SLC17A1: variants seen among roughly 807,000 people sequenced by gnomAD.
SLC17A1 encodes the protein solute carrier family 17 member 1, also known as sodium-dependent phosphate transport protein 1.
SLC17A1 carries 51 observed loss-of-function variants against 53.5 expected under a neutral mutation model. The ratio of observed to expected loss-of-function variants is 0.95; its 90% confidence interval spans 0.76 to 1.20. SLC17A1 has a LOEUF of 1.20. SLC17A1 is among the 50% of genes most tolerant of loss of function. SLC17A1 has a pLI of 0.00. For missense variants in SLC17A1, 538 were observed against 568.2 expected, an observed-to-expected ratio of 0.95 and a Z score of 0.54; for synonymous variants, 179 against 198.8, an observed-to-expected ratio of 0.90 and a Z score of 0.84.
intron 12 of SLC17A1, among the ~76,000 whole-genome samples, chr6:25,792,196 G>A (rs1293544567): frequency 6.6e-6 from 1 of 152,200 alleles, no homozygotes; most frequent in Non-Finnish European, 1.5e-5. Flanking sequence ...GAGCTCAGCA[G>A]CCTCAGTCAA....
At position 25,811,537 on chromosome 6, in the gene SLC17A1, G is replaced by A. The variant is rs760267951; in HGVS notation, c.1039C>T (p.Leu347Phe). The change falls in exon 10 of 13, where the codon CTT becomes TTT. Residue 347 changes from leucine to phenylalanine, a missense_variant. Physicochemically the swap from Leu to Phe is conservative, Grantham distance 22 (BLOSUM62 0). Transcript: ENST00000244527. The part of the protein sequence containing the change: ...RKLFTAAGFL[L>F]PAIFGVCLPY... ...AGGCAGACACCAAAGATTGCAGGAAGGAGAAATCCTGGGGAGTGATTCAGA... is the reference window on the plus strand; with the variant it reads ...AGGCAGACACCAAAGATTGCAGGAAAGAGAAATCCTGGGGAGTGATTCAGA... 1 of 1,613,932 alleles carries A rather than the reference G, an allele frequency of 6.2e-7. No individual in the cohort carries two copies. The highest frequency in any genetic ancestry group is 1.1e-5 in the South Asian group (1 of 91,070).
the SLC17A1 span, chr6:25,770,299 A>T: frequency 6.2e-7 from 1 of 1,613,916 alleles, no homozygotes; most frequent in Non-Finnish European, 8.5e-7. Context: ...GGCATAGCCC[A>T]GGTACCAAGA....
In SLC17A1 at chr6:25,811,370, TA is replaced by T. The variant is rs56675688; in HGVS notation, c.1178+27del. The T allele has an allele frequency of 6.2e-3, 9,783 of 1,576,636 alleles. 111 individuals carry two copies. Among genetic ancestry groups the T allele is most frequent in the African/African-American group, 0.05 (3,679 of 73,274 alleles). ...TATACAATATTTATTTGTTAAAGGT[TA>T]AAAAAAAGCGTATAAACAAATCCTA... is the stretch of plus-strand genomic sequence containing the variant. On this transcript the variant is annotated intron_variant, in intron 10 of 12. Coordinates refer to ENST00000244527, the MANE Select transcript of SLC17A1 (RefSeq NM_005074.5).
the SLC17A1 span, among the ~76,000 whole-genome samples, chr6:25,741,630 C>T: frequency 2.6e-5 from 4 of 151,954 alleles, no homozygotes; most frequent in East Asian, 1.9e-4. Flanking sequence ...ACAGGAGAAT[C>T]GCTTGGACCC....
the SLC17A1 span, among the ~76,000 whole-genome samples, chr6:25,734,313 A>AT: frequency 6.6e-6 from 1 of 152,242 alleles, no homozygotes; most frequent in Non-Finnish European, 1.5e-5. Context: ...ATTTGAAAAT[A>AT]TTGAAGAAAT....
At position 25,811,507 on chromosome 6, in the gene SLC17A1, A is replaced by T; in HGVS notation, c.1069T>A (p.Tyr357Asn). Residue 357 changes from tyrosine (Y) to asparagine (N), a missense_variant, in exon 10 of 13, where the codon TAC becomes AAC. Coordinates refer to ENST00000244527, the MANE Select transcript of SLC17A1 (RefSeq NM_005074.5). ...ATGCTGTAGAAGGTGGAACTCAGGT[A>T]AGGCAGGCAGACACCAAAGATTGCA... The part of the protein sequence containing the change: ...LPAIFGVCLP[Y>N]LSSTFYSIVI... The T allele has an allele frequency of 6.2e-7, 1 of 1,614,018 alleles. No individual in the cohort carries two copies. The highest frequency in any genetic ancestry group is 8.5e-7 in the Non-Finnish European group (1 of 1,179,928).
chr6:25,726,482 T>A, the SLC17A1 span: 1 of 1,613,380 alleles, frequency 6.2e-7, no homozygotes, highest in Non-Finnish European at 8.5e-7. Flanking sequence ...GAGCGAGACT[T>A]AGACTTGGCG....
the SLC17A1 span, chr6:25,773,441 C>A: frequency 6.2e-7 from 1 of 1,612,492 alleles, no homozygotes; most frequent in South Asian, 1.1e-5. Flanking sequence ...CTCTAGACGT[C>A]TGAGAGATGA....
At chr6:25,731,834 G>A in the SLC17A1 span, 2 of 1,602,374 alleles carry the variant, frequency 1.2e-6, no homozygotes, top group African/African-American at 1.3e-5. Flanking sequence ...CCGACACAAC[G>A]TGCTTGGCTA....
At chr6:25,736,860 T>A in the SLC17A1 span, among the ~76,000 whole-genome samples, 1 of 152,188 alleles carries the variant, frequency 6.6e-6, no homozygotes, top group Non-Finnish European at 1.5e-5. Context: ...CTGAACTCAT[T>A]ATGAAATCAC....
chr6:25,806,022 T>C (rs532634564), intron 10 of SLC17A1, among the ~76,000 whole-genome samples: 1 of 152,222 alleles, frequency 6.6e-6, no homozygotes, highest in Non-Finnish European at 1.5e-5. Flanking sequence ...CCTTAACTCA[T>C]TCTATGAAGC....
chr6:25,741,998 C>T, the SLC17A1 span, among the ~76,000 whole-genome samples: 8 of 152,170 alleles, frequency 5.3e-5, no homozygotes, highest in Non-Finnish European at 1.2e-4. Flanking sequence ...CAGAGGGCCA[C>T]AGCTGGGTGA....
intron 9 of SLC17A1, 29 bp from the exon 10 acceptor site, chr6:25,811,574 G>C: frequency 1.2e-6 from 2 of 1,613,558 alleles, no homozygotes; most frequent in Non-Finnish European, 1.7e-6. Flanking sequence ...AACATAGTCA[G>C]GTGCATCCTA....
chr6:25,755,726 G>A, the SLC17A1 span, among the ~76,000 whole-genome samples: 1 of 152,132 alleles, frequency 6.6e-6, no homozygotes, highest in Non-Finnish European at 1.5e-5. Flanking sequence ...TGGACTCACA[G>A]ACACAAAACT....
the SLC17A1 span, among the ~76,000 whole-genome samples, chr6:25,747,968 T>C: frequency 6.6e-6 from 1 of 152,332 alleles, no homozygotes; most frequent in South Asian, 2.1e-4. Context: ...AGCCAAAAGA[T>C]TCAGAAAAGT....
Position 25,798,917 on chromosome 6 carries a change from ATCCT to A in SLC17A1, c.1270-2_1271del. 6.4e-7 allele frequency: 1 copy of A among 1,558,538 alleles called. No individual in the cohort carries two copies. The highest frequency in any genetic ancestry group is 8.7e-7 in the Non-Finnish European group (1 of 1,143,186). ...AGGTTTTAAACCAGGCGGATTCCGG[ATCCT>A]AAGGAATTAAAATTCAAAGTAATTG... On this transcript the variant is annotated splice_acceptor_variant and coding_sequence_variant, in exon 12 of 13. Coordinates refer to ENST00000244527, the MANE Select transcript of SLC17A1 (RefSeq NM_005074.5). LOFTEE classifies it high-confidence loss of function.
rs146509252 is a variant in SLC17A1 at position 25,819,860 on chromosome 6, G to C, written c.263C>G (p.Ser88Cys). ...AACTTGGATGATGATGACACCATAGGAGGTGGAACTCAAGATGATTCCCTG... is the reference window on the plus strand; with the variant it reads ...AACTTGGATGATGATGACACCATAGCAGGTGGAACTCAAGATGATTCCCTG... ...DIQGIILSST[S>C]YGVIIIQVPV... is the part of the protein sequence containing the mutation. The change falls in exon 4 of 13, where the codon TCC becomes TGC. Residue 88 changes from serine (S) to cysteine (C), a missense_variant. Coordinates refer to ENST00000244527, the MANE Select transcript of SLC17A1 (RefSeq NM_005074.5). 1.2e-6 allele frequency: 2 copies of C among 1,613,952 alleles called. No individual in the cohort carries two copies. The highest frequency in any genetic ancestry group is 4.5e-5 in the East Asian group (2 of 44,874).
chr6:25,784,591 C>G (rs2151472107), intron 12 of SLC17A1, among the ~76,000 whole-genome samples: 1 of 152,248 alleles, frequency 6.6e-6, no homozygotes, highest in Non-Finnish European at 1.5e-5. Flanking sequence ...GAGGGATCTG[C>G]CCCCATGACC....
the SLC17A1 span, among the ~76,000 whole-genome samples, chr6:25,742,724 A>G: frequency 6.6e-6 from 1 of 152,132 alleles, no homozygotes; most frequent in East Asian, 1.9e-4. Flanking sequence ...GAATTCCTTG[A>G]GCCCAGGAGT....
Sources: allele counts gnomAD v4.1 joint callset (sites outside exome capture counted in the v4.1 genomes callset), GRCh38; gene constraint gnomAD v4.1.1; transcripts MANE v1.5; gene names NCBI Gene and HGNC (gene_info 2026-07-23, HGNC 2026-07-21).